Variants in CXCL16 observed in about 807,000 individuals in gnomAD.
The protein encoded by CXCL16 is C-X-C motif chemokine 16.
Under a neutral mutation model 23.8 loss-of-function variants are expected in CXCL16, and 18 were observed. That is an observed-to-expected ratio of 0.76 (90% CI 0.52 to 1.12). The LOEUF is 1.12. Ranked by LOEUF, CXCL16 falls within the 50% of genes most tolerant of loss-of-function variation. CXCL16 has a pLI of 0.00. For missense variants in CXCL16, 297 were observed against 315.4 expected (o/e 0.94, Z 0.44); for synonymous variants, 123 against 132.5 (o/e 0.93, Z 0.49).
At position 4,734,346 on chromosome 17, in the gene CXCL16, G is replaced by A; in HGVS notation, c.*157C>T. The A allele has an allele frequency of 2.5e-6, 1 of 394,374 alleles. No individual in the cohort carries two copies. The highest frequency in any genetic ancestry group is 2.5e-5 in the South Asian group (1 of 39,640). 24.4% of individuals were successfully genotyped at this position (394,374 alleles called of 1,614,324 possible). ...GAGGGCAGTGGCTGGTTAGTCCTAT[G>A]TTAGATATTAACAAATACGTGTAGG... On this transcript the variant is annotated 3_prime_UTR_variant, in exon 6 of 6. Transcript: ENST00000293778.
At position 4,735,478 on chromosome 17, in the gene CXCL16, G is replaced by A; in HGVS notation, c.332C>T (p.Ala111Val). ...ECGHAYSGIVAHQKHLLPTSP... is the reference protein window; with the variant it reads ...ECGHAYSGIVVHQKHLLPTSP... ...GGTAGGAAGTAAATGCTTCTGGTGG[G>A]CCACAATCCCCGAGTAAGCATGTCC... The change falls in exon 4 of 6, where the codon GCC (alanine) becomes GTC (valine). Residue 111 changes from alanine to valine, a missense_variant. Physicochemically the swap from Ala to Val is moderately conservative, Grantham distance 64 (BLOSUM62 0). Transcript: ENST00000293778. 2 of 1,508,436 alleles carry A rather than the reference G, an allele frequency of 1.3e-6. No homozygotes were observed. The highest frequency in any genetic ancestry group is 1.8e-6 in the Non-Finnish European group (2 of 1,126,998). The allele number at this position is 1,508,436 out of a possible 1,614,324, so 93.4% of individuals were successfully genotyped here. A position where few individuals can be genotyped will look rare whatever the true frequency, so the allele number is the denominator to read the frequency against.
Position 4,739,389 on chromosome 17 carries a change from C to G in CXCL16, c.-50G>C, listed in dbSNP as rs1433124539. On this transcript the variant is annotated 5_prime_UTR_variant, in exon 1 of 6. Transcript: ENST00000293778. The surrounding 1 kb of genome is among the most constrained non-coding windows in gnomAD (Gnocchi z 5.3). ...GGATGGAGCCACCTCGCTCTGACTC[C>G]CAGACATGCTCCGGCGCGTGACGTC... The G allele has an allele frequency of 1.2e-6, 2 of 1,611,872 alleles. No individual in the cohort carries two copies. The highest frequency in any genetic ancestry group is 3.3e-5 in the Admixed American group (2 of 59,900).
chr17:4,738,941 C>T lies in CXCL16; in HGVS notation c.80-21G>A. The T allele has an allele frequency of 6.2e-7, 1 of 1,611,408 alleles. No individual in the cohort carries two copies. The highest frequency in any genetic ancestry group is 8.5e-7 in the Non-Finnish European group (1 of 1,178,636). On this transcript the variant is annotated intron_variant, in intron 1 of 5. Transcript: ENST00000293778. This position sits in a 1 kb window ranked among gnomAD's most constrained non-coding sequence, Gnocchi z 4.0. ...ATTGCCTGCGCGGGACGGAGGTGGT[C>T]GGCACCCATTCCCAGGCCCAGGGTC...
rs1916217722 is a variant in CXCL16, at chr17:4,738,180, T to A, written c.301+228A>T. ...TGATTTCAAGAAAAATATTAATAAG[T>A]AGACAATAGCACACGTGGTAGAATG... On this transcript the variant is annotated intron_variant, in intron 3 of 5. Transcript: ENST00000293778. The surrounding 1 kb of genome is among the most constrained non-coding windows in gnomAD (Gnocchi z 4.0). 6.6e-6 allele frequency among the ~76,000 whole-genome samples: 1 copy of A among 152,070 alleles called. No homozygotes were observed. Among genetic ancestry groups the A allele is most frequent in the Admixed American group, 6.6e-5 (1 of 15,258 alleles).
At chr17:4,736,341 G>A (rs1916157689) in intron 3 of CXCL16, 1 of 152,192 alleles carries the variant, frequency 6.6e-6, no homozygotes, top group Non-Finnish European at 1.5e-5. Context: ...GTCATGTTCT[G>A]AGCTCCAACA....
Position 4,738,381 on chromosome 17 carries a change from G to A in CXCL16, c.301+27C>T, listed in dbSNP as rs1567695852. 1 of 1,584,144 alleles carries A rather than the reference G, an allele frequency of 6.3e-7. No individual in the cohort carries two copies. Among genetic ancestry groups the A allele is most frequent in the Non-Finnish European group, 8.7e-7 (1 of 1,152,604 alleles). On this transcript the variant is annotated intron_variant, in intron 3 of 5. Transcript: ENST00000293778. The surrounding 1 kb of genome is among the most constrained non-coding windows in gnomAD (Gnocchi z 4.0). ...GAAGCTGCTAAGCCCTGGAGGCAGA[G>A]CCTGAAGAGCAGTGGAAAAGTCTCA...
intron 4 of CXCL16, among the ~76,000 whole-genome samples, 187 bp downstream of exon 4, chr17:4,734,905 C>T (rs1916104220): frequency 6.6e-6 from 1 of 152,200 alleles, no homozygotes; most frequent in African/African-American, 2.4e-5. Flanking sequence ...GTGGTGGCTT[C>T]CTTCCCTCTC....
chr17:4,738,388 G>A lies in CXCL16; in HGVS notation c.301+20C>T. The A allele has an allele frequency of 6.3e-7, 1 of 1,599,716 alleles. No homozygotes were observed. The highest frequency in any genetic ancestry group is 1.1e-5 in the South Asian group (1 of 90,778). ...CTAAGCCCTGGAGGCAGAGCCTGAA[G>A]AGCAGTGGAAAAGTCTCACCTTTGA... is the stretch of plus-strand genomic sequence containing the variant. On this transcript the variant is annotated intron_variant, in intron 3 of 5. Coordinates refer to ENST00000293778, the MANE Select transcript of CXCL16 (RefSeq NM_001386809.1). The surrounding 1 kb of genome is among the most constrained non-coding windows in gnomAD (Gnocchi z 4.0).
At position 4,738,969 on chromosome 17, in the gene CXCL16, C is replaced by T; in HGVS notation, c.80-49G>A. On this transcript the variant is annotated intron_variant, in intron 1 of 5. Coordinates refer to ENST00000293778, the MANE Select transcript of CXCL16 (RefSeq NM_001386809.1). The surrounding 1 kb of genome is among the most constrained non-coding windows in gnomAD (Gnocchi z 4.0). ...CACCCATTCCCAGGCCCAGGGTCCC[C>T]ACTCCGCTGTTCCCTGGCATCCAAT... 1 of 1,598,388 alleles carries T rather than the reference C, an allele frequency of 6.3e-7. No homozygotes were observed. The highest frequency in any genetic ancestry group is 8.5e-7 in the Non-Finnish European group (1 of 1,172,284).
At chr17:4,737,591 AAAAAAAAAGAAAT>A (rs1282953627) in intron 3 of CXCL16, among the ~76,000 whole-genome samples, 1 of 148,878 alleles carries the variant, frequency 6.7e-6, no homozygotes, top group Non-Finnish European at 1.5e-5. Context: ...AAAAAAAAAA[AAAAAAAAAGAAAT>A]GCATCAAGAA....
intron 3 of CXCL16, among the ~76,000 whole-genome samples, chr17:4,736,070 C>T (rs1419470901): frequency 1.0e-5 from 1 of 98,306 alleles, no homozygotes; most frequent in Non-Finnish European, 2.2e-5. Flanking sequence ...AACTCCATCT[C>T]AAAAAAAAAA....
rs1484390607 is a variant in CXCL16 at position 4,739,248 on chromosome 17, G to C, written c.79+13C>G. Reference sequence around the variant, plus strand: ...CAGGGGAATCTGGGTCCCCTGCCCCGCCCCCGGCTAACCTGGCTGAGTCAG... The same window carrying C: ...CAGGGGAATCTGGGTCCCCTGCCCCCCCCCCGGCTAACCTGGCTGAGTCAG... On this transcript the variant is annotated intron_variant, in intron 1 of 5. Transcript: ENST00000293778. The surrounding 1 kb of genome is among the most constrained non-coding windows in gnomAD (Gnocchi z 5.3). The C allele has an allele frequency of 4.4e-6, 7 of 1,586,110 alleles. No individual in the cohort carries two copies. Among genetic ancestry groups the C allele is most frequent in the Non-Finnish European group, 6.0e-6 (7 of 1,165,806 alleles).
Position 4,739,230 on chromosome 17 carries a change from AT to A in CXCL16, c.79+30del. The A allele has an allele frequency of 6.4e-7, 1 of 1,568,544 alleles. No individual in the cohort carries two copies. The highest frequency in any genetic ancestry group is 1.2e-5 in the South Asian group (1 of 85,896). ...CTCACCCCCTTCCCGTGACAGGGGA[AT>A]CTGGGTCCCCTGCCCCGCCCCCGGC... On this transcript the variant is annotated intron_variant, in intron 1 of 5. Transcript: ENST00000293778. This position sits in a 1 kb window ranked among gnomAD's most constrained non-coding sequence, Gnocchi z 5.3.
intron 3 of CXCL16, among the ~76,000 whole-genome samples, chr17:4,737,354 GATCA>G: frequency 6.8e-6 from 1 of 146,130 alleles, no homozygotes; most frequent in Non-Finnish European, 1.5e-5. Context: ...GAGGCAGGTG[GATCA>G]CCTGAGGTCA....
chr17:4,738,675 G>C lies in CXCL16; in HGVS notation c.218+107C>G. ...GAGAGCAAACGGAACCCGGAGATGG[G>C]GCTCGGTGAGCCGGGAAGGAGTTCA... On this transcript the variant is annotated intron_variant, in intron 2 of 5. Transcript: ENST00000293778. This position sits in a 1 kb window ranked among gnomAD's most constrained non-coding sequence, Gnocchi z 4.0. 2 of 1,251,114 alleles carry C rather than the reference G, an allele frequency of 1.6e-6. No individual in the cohort carries two copies. The highest frequency in any genetic ancestry group is 2.4e-5 in the East Asian group (1 of 42,292). 77.5% of individuals were successfully genotyped at this position (1,251,114 alleles called of 1,614,324 possible).
chr17:4,738,495 G>T lies in CXCL16; in HGVS notation c.219-5C>A. On this transcript the variant is annotated splice_region_variant and splice_polypyrimidine_tract_variant and intron_variant, in intron 2 of 5. Coordinates refer to ENST00000293778, the MANE Select transcript of CXCL16 (RefSeq NM_001386809.1). The surrounding 1 kb of genome is among the most constrained non-coding windows in gnomAD (Gnocchi z 4.0). ...CTCCAGGAAAGGAGCTGGAACCTGC[G>T]GAGGAGAGACCTGGGCTTAGCTGCG... is the stretch of plus-strand genomic sequence containing the variant. The T allele has an allele frequency of 6.2e-7, 1 of 1,610,180 alleles. No individual in the cohort carries two copies. The highest frequency in any genetic ancestry group is 8.5e-7 in the Non-Finnish European group (1 of 1,176,598).
rs1361378248 is a variant in CXCL16, at chr17:4,738,787, G to A, written c.213C>T (p.Tyr71=). ...GCAGAGGCAGGTAAAATTACCTCGT[G>A]TAGTATAGACACCGATGGTAAGCTC... ...HLRAYHRCLY[Y]TRFQLLSWSV... The change falls in exon 2 of 6, where the codon TAC becomes TAT. Residue 71 remains tyrosine, a synonymous_variant. Transcript: ENST00000293778. The surrounding 1 kb of genome is among the most constrained non-coding windows in gnomAD (Gnocchi z 4.0). 1 of 1,614,174 alleles carries A rather than the reference G, an allele frequency of 6.2e-7. No individual in the cohort carries two copies. The highest frequency in any genetic ancestry group is 2.2e-5 in the East Asian group (1 of 44,884).
At position 4,734,497 on chromosome 17, in the gene CXCL16, A is replaced by G. The variant is rs1331727654; in HGVS notation, c.*24-18T>C. 1.0e-5 allele frequency: 9 copies of G among 898,372 alleles called. No homozygotes were observed. Among genetic ancestry groups the G allele is most frequent in the African/African-American group, 1.7e-5 (1 of 60,058 alleles). The allele number at this position is 898,372 out of a possible 1,614,324, so 55.7% of individuals were successfully genotyped here. ...GTCCGTCTCTAAAAAACAAAAAACA[A>G]AAACAAGTATGTATACAGTGCCTAC... On this transcript the variant is annotated intron_variant, in intron 5 of 5. Transcript: ENST00000293778.
rs762314797 is a variant in CXCL16 at position 4,735,285 on chromosome 17, C to T, written c.525G>A (p.Ala175=). 28 of 1,614,004 alleles carry T rather than the reference C, an allele frequency of 1.7e-5. No homozygotes were observed. The highest frequency in any genetic ancestry group is 5.5e-5 in the South Asian group (5 of 91,086). The change falls in exon 4 of 6, where the codon GCG becomes GCA. Residue 175 remains alanine (A), a synonymous_variant. Coordinates refer to ENST00000293778, the MANE Select transcript of CXCL16 (RefSeq NM_001386809.1). ...TRPNETTIHT[A]GHSLAAGPEA... ...CAGGCCCAGCTGCCAGACTGTGGCC[C>T]GCAGTGTGAATGGTGGTTTCATTGG...
Sources: gnomAD v4.1 joint callset for allele counts (sites outside exome capture counted in the v4.1 genomes callset) on GRCh38, gnomAD v4.1.1 for gene constraint, Gnocchi (gnomAD v3.1) non-coding constraint, MANE v1.5 for transcripts, NCBI Gene and HGNC (gene_info 2026-07-23, HGNC 2026-07-21) for gene names.